CUX2: variants seen among roughly 807,000 people sequenced by gnomAD.
CUX2 encodes the protein cut like homeobox 2, also known as homeobox protein cut-like 2.
A neutral mutation model predicts 144.8 loss-of-function variants in CUX2; 40 were observed. The ratio of observed to expected loss-of-function variants is 0.28; its 90% CI spans 0.21 to 0.36. CUX2 has a LOEUF of 0.36. Among genes scored for constraint, CUX2 ranks in the 10% least tolerant of loss-of-function variants. CUX2 has a pLI of 1.00. For missense variants in CUX2, 1,615 were observed against 1,994.0 expected (o/e 0.81, Z 3.62); for synonymous variants, 827 against 875.6 (o/e 0.94, Z 0.98).
intron 3 of CUX2, among the ~76,000 whole-genome samples, chr12:111,218,810 T>A (rs1180611649): frequency 6.6e-6 from 1 of 152,206 alleles, no homozygotes; most frequent in Non-Finnish European, 1.5e-5. Flanking sequence ...CTGTCCTCAG[T>A]AAATAATTTC....
rs1378984965 is a variant in CUX2 at position 111,068,598 on chromosome 12, G to T, written c.63+34358G>T. On this transcript the variant is annotated intron_variant, in intron 1 of 21. Transcript: ENST00000261726. The surrounding 1 kb of genome is among the most constrained non-coding windows in gnomAD (Gnocchi z 4.9). ...ATGAAAAGCGATGCTGGTTTGAGCA[G>T]CTGGTGTTTTCTCCTGTGTTCCCGG... Among the ~76,000 whole-genome samples the T allele has an allele frequency of 6.6e-6, 1 of 152,366 alleles. No individual in the cohort carries two copies. Among genetic ancestry groups the T allele is most frequent in the East Asian group, 1.9e-4 (1 of 5,190 alleles).
intron 1 of CUX2, among the ~76,000 whole-genome samples, chr12:111,102,248 G>A (rs1452158782): frequency 6.6e-6 from 1 of 152,212 alleles, no homozygotes; most frequent in Non-Finnish European, 1.5e-5. Context: ...CTGGTGAGGT[G>A]GGCAGGGACT....
intron 3 of CUX2, among the ~76,000 whole-genome samples, chr12:111,229,598 C>G (rs1306331810): frequency 1.3e-5 from 2 of 152,106 alleles, no homozygotes; most frequent in African/African-American, 4.8e-5. Flanking sequence ...AATGTGATCA[C>G]CCAGTTGAAA....
At chr12:111,324,211 A>G (rs1356217089) in intron 18 of CUX2, among the ~76,000 whole-genome samples, 1 of 151,846 alleles carries the variant, frequency 6.6e-6, no homozygotes, top group Non-Finnish European at 1.5e-5. Context: ...TTAGCTGGAA[A>G]TGGTGGCGTG....
chr12:111,266,890 A>C (rs1353068697), intron 4 of CUX2, among the ~76,000 whole-genome samples: 1 of 152,146 alleles, frequency 6.6e-6, no homozygotes, highest in Non-Finnish European at 1.5e-5. Context: ...CTCACCTGCA[A>C]GCTGGTTAGA....
intron 1 of CUX2, among the ~76,000 whole-genome samples, chr12:111,181,206 A>C (rs1879153587): frequency 6.6e-6 from 1 of 152,228 alleles, no homozygotes; most frequent in East Asian, 1.9e-4. Context: ...CAGGAGTTTC[A>C]TTGCAGCAAA....
rs552968810 is a variant in CUX2, at chr12:111,160,606, G to C, written c.64-53594G>C. On this transcript the variant is annotated intron_variant, in intron 1 of 21. Transcript: ENST00000261726. The surrounding 1 kb of genome is among the most constrained non-coding windows in gnomAD (Gnocchi z 4.1). ...GCTGTGGAGGTCTCCTTGGCCACAC[G>C]AAGGGGCCTGGGTTTTTGTCTCCAT... Among the ~76,000 whole-genome samples, 3 of 152,194 alleles carry C rather than the reference G, an allele frequency of 2.0e-5. No homozygotes were observed. Among genetic ancestry groups the C allele is most frequent in the Non-Finnish European group, 4.4e-5 (3 of 68,042 alleles).
Position 111,320,935 on chromosome 12 carries a change from C to T in CUX2, c.2766+160C>T, listed in dbSNP as rs1350984511. ...CGCAGGAAGGAGGGCCACTGTTCTGCTCCGTGGTTGTTAAAACCAGGAAAT... is the reference window on the plus strand; with the variant it reads ...CGCAGGAAGGAGGGCCACTGTTCTGTTCCGTGGTTGTTAAAACCAGGAAAT... On this transcript the variant is annotated intron_variant, in intron 17 of 21. Transcript: ENST00000261726. The surrounding 1 kb of genome is among the most constrained non-coding windows in gnomAD (Gnocchi z 8.1). Among the ~76,000 whole-genome samples, 2 of 152,222 alleles carry T rather than the reference C, an allele frequency of 1.3e-5. No individual in the cohort carries two copies. The highest frequency in any genetic ancestry group is 2.4e-5 in the African/African-American group (1 of 41,464).
intron 3 of CUX2, among the ~76,000 whole-genome samples, chr12:111,234,825 C>A (rs1882657277): frequency 1.3e-5 from 2 of 151,630 alleles, no homozygotes; most frequent in African/African-American, 4.8e-5. Context: ...CTCAAACAGT[C>A]CTCCCACCTT....
intron 4 of CUX2, among the ~76,000 whole-genome samples, chr12:111,273,400 G>A (rs1884718245): frequency 6.6e-6 from 1 of 152,124 alleles, no homozygotes; most frequent in African/African-American, 2.4e-5. Flanking sequence ...ACTTGCCCAA[G>A]GTCACACAGC....
intron 4 of CUX2, among the ~76,000 whole-genome samples, chr12:111,275,685 A>G (rs1211654281): frequency 6.6e-6 from 1 of 152,218 alleles, no homozygotes; most frequent in African/African-American, 2.4e-5. Flanking sequence ...TGCGGAGTCC[A>G]CATGATACTG....
chr12:111,269,452 G>C (rs1249675254), intron 4 of CUX2, among the ~76,000 whole-genome samples: 1 of 152,136 alleles, frequency 6.6e-6, no homozygotes, highest in Non-Finnish European at 1.5e-5. Context: ...TGGACACTGG[G>C]AACACAGCTG....
rs570014893 is a variant in CUX2, at chr12:111,252,970, T to C, written c.223-10791T>C. On this transcript the variant is annotated intron_variant, in intron 3 of 21. Coordinates refer to ENST00000261726, the MANE Select transcript of CUX2 (RefSeq NM_015267.4). The stretch of plus-strand genomic sequence containing the variant: ...TGTGGAGTCATCCGTGGCCCCTCTG[T>C]TGCTTTTATGCCTCCAACATCCACT... 2.0e-4 allele frequency among the ~76,000 whole-genome samples: 30 copies of C among 152,076 alleles called. No individual in the cohort carries two copies. The South Asian group carries it at 5.6e-3, about 29-fold the overall frequency.
At chr12:111,245,433 T>G (rs1387403747) in intron 3 of CUX2, among the ~76,000 whole-genome samples, 1 of 152,022 alleles carries the variant, frequency 6.6e-6, no homozygotes, top group Non-Finnish European at 1.5e-5. Context: ...TTTGATGCTA[T>G]CTATCTAGTC....
intron 21 of CUX2, among the ~76,000 whole-genome samples, chr12:111,345,263 C>T (rs1012681746): frequency 6.7e-6 from 1 of 149,836 alleles, no homozygotes; most frequent in African/African-American, 2.5e-5. Flanking sequence ...TCCTGGCCAA[C>T]GTGGTGAAAC....
rs115200682 is a variant in CUX2, at chr12:111,074,272, C to A, written c.63+40032C>A. ...CACCTGGGGGCTTGTTAAAGCCCAG[C>A]ATCTCGCCCCACCCCAGGTCTCTCG... On this transcript the variant is annotated intron_variant, in intron 1 of 21. Coordinates refer to ENST00000261726, the MANE Select transcript of CUX2 (RefSeq NM_015267.4). Among the ~76,000 whole-genome samples, 1,378 of 152,074 alleles carry A rather than the reference C, an allele frequency of 9.1e-3. 43 individuals are homozygous for A. The highest frequency in any genetic ancestry group is 0.032 in the African/African-American group (1,317 of 41,350).
intron 1 of CUX2, among the ~76,000 whole-genome samples, chr12:111,133,080 T>C (rs1220334434): frequency 6.6e-6 from 1 of 152,182 alleles, no homozygotes; most frequent in African/African-American, 2.4e-5. Context: ...CTCATCTCCA[T>C]CTGAGACCAC....
At chr12:111,331,997 T>C (rs1404975531) in intron 18 of CUX2, among the ~76,000 whole-genome samples, 2 of 150,932 alleles carry the variant, frequency 1.3e-5, no homozygotes, top group African/African-American at 4.9e-5. Flanking sequence ...GGAGAATCAC[T>C]TGAACCCAGG....
At position 111,188,639 on chromosome 12, in the gene CUX2, CG is replaced by C. The variant is rs752184280; in HGVS notation, c.64-25554del. 3.3e-5 allele frequency among the ~76,000 whole-genome samples: 5 copies of C among 151,694 alleles called. No homozygotes were observed. In the South Asian group the frequency reaches 8.4e-4, roughly 25 times the overall value. ...GTCAGAGTGGTTGGAACCCAGAGAG[CG>C]GGGGGGAAAGGAGGGCAGAGAAGTG... On this transcript the variant is annotated intron_variant, in intron 1 of 21. Coordinates refer to ENST00000261726, the MANE Select transcript of CUX2 (RefSeq NM_015267.4).
Sources: allele counts gnomAD v4.1 joint callset (sites outside exome capture counted in the v4.1 genomes callset), GRCh38; gene constraint gnomAD v4.1.1; non-coding constraint Gnocchi (gnomAD v3.1); transcripts MANE v1.5; gene names NCBI Gene and HGNC (gene_info 2026-07-23, HGNC 2026-07-21).